PPARGC1B: variants seen among roughly 807,000 people sequenced by gnomAD.
The protein encoded by PPARGC1B is peroxisome proliferator-activated receptor gamma coactivator 1-beta.
A neutral mutation model predicts 101.6 loss-of-function variants in PPARGC1B; 34 were observed. That is an observed-to-expected ratio of 0.33 (90% CI 0.25 to 0.45). The LOEUF (loss-of-function observed/expected upper bound fraction) is 0.45, where lower values mean the gene tolerates loss of function less well. PPARGC1B is among the 20% of genes least tolerant of loss of function. The probability of loss-of-function intolerance (pLI) is 1.00; values close to 1 mark genes in which losing one functional copy is unlikely to be tolerated. For missense variants in PPARGC1B, 1,234 were observed against 1,317.6 expected (o/e 0.94, Z 0.98); for synonymous variants, 548 against 539.3 (o/e 1.02, Z -0.22).
At chr5:149,738,638 T>TGTCGCCCAGGTTGGA (rs1228753737) in intron 1 of PPARGC1B, among the ~76,000 whole-genome samples, 12 of 152,060 alleles carry the variant, frequency 7.9e-5, no homozygotes, top group South Asian at 2.1e-4. Flanking sequence ...CGTCTCACTC[T>TGTCGCCCAGGTTGGA]GTCGCCCAGG....
chr5:149,824,999 A>C (rs1435359098), intron 2 of PPARGC1B, among the ~76,000 whole-genome samples: 1 of 152,254 alleles, frequency 6.6e-6, no homozygotes, highest in East Asian at 1.9e-4. Context: ...TTTCAGATGA[A>C]CTTCCTGCAG....
At chr5:149,840,227 C>T (rs542953532) in intron 9 of PPARGC1B, 111 bp downstream of exon 9, 24 of 946,282 alleles carry the variant, frequency 2.5e-5, no homozygotes, top group East Asian at 5.3e-5. Flanking sequence ...CCTCAGTCTT[C>T]GGCCTCTGCC....
Position 149,777,258 on chromosome 5 carries a change from GACCCCTGCTC to G in PPARGC1B, c.79-43171_79-43162del, listed in dbSNP as rs376866576. Among the ~76,000 whole-genome samples the G allele has an allele frequency of 2.4e-3, 363 of 152,238 alleles. 3 individuals are homozygous for G. Among genetic ancestry groups the G allele is most frequent in the African/African-American group, 8.4e-3 (349 of 41,520 alleles). ...TCCCAAACACACATAGACCGACAAA[GACCCCTGCTC>G]ACCACACATGCTCTGCCCACTTTAC... On this transcript the variant is annotated intron_variant, in intron 1 of 11. Transcript: ENST00000309241.
intron 1 of PPARGC1B, among the ~76,000 whole-genome samples, chr5:149,816,021 C>A (rs1253360535): frequency 6.6e-6 from 1 of 152,164 alleles, no homozygotes; most frequent in East Asian, 1.9e-4. Context: ...CCCAGCTCCA[C>A]TGGCAGGGCC....
intron 1 of PPARGC1B, among the ~76,000 whole-genome samples, chr5:149,776,710 C>T (rs1459635226): frequency 2.6e-5 from 4 of 152,206 alleles, no homozygotes; most frequent in Admixed American, 6.5e-5. Flanking sequence ...TGTAGTGTAA[C>T]GGAGGCACTG....
chr5:149,830,065 A>T (rs1758711209), intron 3 of PPARGC1B, among the ~76,000 whole-genome samples: 1 of 147,782 alleles, frequency 6.8e-6, no homozygotes, highest in Admixed American at 6.7e-5. Flanking sequence ...GAAAAAAAAA[A>T]AAAAACAGGG....
At chr5:149,776,362 AG>A (rs1756360286) in intron 1 of PPARGC1B, among the ~76,000 whole-genome samples, 1 of 152,098 alleles carries the variant, frequency 6.6e-6, no homozygotes, top group African/African-American at 2.4e-5. Context: ...GAGGTTCCAA[AG>A]GTTTTTTTTA....
At chr5:149,819,799 G>A (rs763551420) in intron 1 of PPARGC1B, among the ~76,000 whole-genome samples, 14 of 152,198 alleles carry the variant, frequency 9.2e-5, no homozygotes, top group Non-Finnish European at 1.6e-4. Flanking sequence ...CACCATGCCC[G>A]GCCCGTGATA....
chr5:149,799,847 G>A lies in PPARGC1B; in HGVS notation c.79-20586G>A, dbSNP rs574987451. On this transcript the variant is annotated intron_variant, in intron 1 of 11. Transcript: ENST00000309241. ...TGAATAGCTGGGACTACAGGTGTAC[G>A]CCACCACACCTGGCTAATTTTTGCA... Among the ~76,000 whole-genome samples the A allele has an allele frequency of 5.3e-5, 8 of 151,820 alleles. No individual in the cohort carries two copies. The South Asian group carries it at 6.3e-4, about 12-fold the overall frequency.
chr5:149,807,716 A>G (rs1382707414), intron 1 of PPARGC1B, among the ~76,000 whole-genome samples: 1 of 152,208 alleles, frequency 6.6e-6, no homozygotes, highest in East Asian at 1.9e-4. Flanking sequence ...AGAGTTTCTT[A>G]TAAGCATTTT....
At chr5:149,774,220 C>T (rs1445506170) in intron 1 of PPARGC1B, among the ~76,000 whole-genome samples, 2 of 152,140 alleles carry the variant, frequency 1.3e-5, no homozygotes, top group African/African-American at 2.4e-5. Context: ...CTGTGGAGTC[C>T]CCTGTTCCCC....
downstream of PPARGC1B, chr5:149,857,863 G>A (rs111798632): frequency 7.2e-5 from 11 of 152,352 alleles, no homozygotes; most frequent in East Asian, 1.2e-3. Flanking sequence ...GTGGTTTACC[G>A]TTTGGGGAAA....
At position 149,755,057 on chromosome 5, in the gene PPARGC1B, A is replaced by ATG. The variant is rs1489308852; in HGVS notation, c.78+24638_78+24639insGT. ...TACATATACATATACATATACATAT[A>ATG]TATATATATATATATAATTTTTTTT... is the stretch of plus-strand genomic sequence containing the variant. On this transcript the variant is annotated intron_variant, in intron 1 of 11. Transcript: ENST00000309241. Among the ~76,000 whole-genome samples the ATG allele has an allele frequency of 1.4e-3, 121 of 84,354 alleles. 2 individuals carry two copies. The South Asian group carries it at 0.05, about 35-fold the overall frequency. The allele number at this position is 84,354 out of a possible 152,430, so 55.3% of individuals were successfully genotyped here.
rs752349499 is a variant in PPARGC1B at position 149,842,288 on chromosome 5, C to T, written c.2727C>T (p.Leu909=). Residue 909 remains leucine, a synonymous_variant, in exon 10 of 12, where the codon CTC becomes CTT. Coordinates refer to ENST00000309241, the MANE Select transcript of PPARGC1B (RefSeq NM_133263.4). ...GCCGCGTGGTGTACATTCAAAATCT[C>T]TCCAGCGACATGAGCTCCCGAGAGC... The part of the protein sequence containing the change: ...GEGRVVYIQN[L]SSDMSSRELK... The T allele has an allele frequency of 4.3e-6, 7 of 1,614,056 alleles. No homozygotes were observed. The highest frequency in any genetic ancestry group is 5.9e-6 in the Non-Finnish European group (7 of 1,180,036).
intron 1 of PPARGC1B, among the ~76,000 whole-genome samples, chr5:149,771,630 C>T (rs1756134783): frequency 6.6e-6 from 1 of 152,218 alleles, no homozygotes; most frequent in Non-Finnish European, 1.5e-5. Context: ...GTTACCGTGT[C>T]CTACATAAAT....
chr5:149,772,057 C>A lies in PPARGC1B; in HGVS notation c.78+41637C>A, dbSNP rs1186432707. The A allele has an allele frequency of 1.9e-6, 3 of 1,545,962 alleles. No homozygotes were observed. In the Admixed American group the frequency reaches 6.1e-5, roughly 32 times the overall value. On this transcript the variant is annotated intron_variant, in intron 1 of 11. Transcript: ENST00000309241. ...CAACTTAGACGTGCCAGGCTGTGCA[C>A]AGGTGGGGACCTCTGAGGGGCCTGC...
chr5:149,794,264 G>T (rs1189999014), intron 1 of PPARGC1B, among the ~76,000 whole-genome samples: 1 of 152,194 alleles, frequency 6.6e-6, no homozygotes, highest in East Asian at 1.9e-4. Context: ...ATGTGTTGGT[G>T]CTTTTAATGA....
rs1561611940 is a variant in PPARGC1B, at chr5:149,833,350, T to TGCA, written c.1285_1287dup (p.Gln429dup). On this transcript the variant is annotated inframe_insertion, in exon 5 of 12. Transcript: ENST00000309241. This position sits in a 1 kb window ranked among gnomAD's most constrained non-coding sequence, Gnocchi z 4.1. ...AGGGAGGTCCGCCGGCCTGCCAGACTGCAGCAGCAGGAGGAGGAAGACGAG... is the reference window on the plus strand; with the variant it reads ...AGGGAGGTCCGCCGGCCTGCCAGACTGCAGCAGCAGCAGGAGGAGGAAGACGAG... The TGCA allele has an allele frequency of 6.2e-7, 1 of 1,613,122 alleles. No individual in the cohort carries two copies. Among genetic ancestry groups the TGCA allele is most frequent in the Admixed American group, 1.7e-5 (1 of 60,002 alleles).
chr5:149,739,912 C>T (rs1046437046), intron 1 of PPARGC1B: 1 of 152,366 alleles, frequency 6.6e-6, no homozygotes, highest in Non-Finnish European at 1.5e-5. Flanking sequence ...GGCCTGAGGT[C>T]ACCCAGCTGG....
Sources: allele counts gnomAD v4.1 joint callset (sites outside exome capture counted in the v4.1 genomes callset), GRCh38; gene constraint gnomAD v4.1.1; non-coding constraint Gnocchi (gnomAD v3.1); transcripts MANE v1.5; gene names NCBI Gene and HGNC (gene_info 2026-07-23, HGNC 2026-07-21).